SH3BP1: variants seen among roughly 807,000 people sequenced by gnomAD.
SH3BP1 encodes the protein SH3 domain binding protein 1, also known as SH3 domain-binding protein 1.
In SH3BP1, 46 loss-of-function variants were observed where a neutral mutation model predicts 69.8. The ratio of observed to expected loss-of-function variants is 0.66; its 90% CI spans 0.52 to 0.84. The LOEUF (loss-of-function observed/expected upper bound fraction) is 0.84, where lower values mean the gene tolerates loss of function less well. SH3BP1 is among the 40% of genes least tolerant of loss of function. SH3BP1 has a pLI of 0.00. For synonymous variants in SH3BP1, 403 were observed against 378.0 expected (o/e 1.07, Z -0.77); for missense variants, 868 against 930.9 (o/e 0.93, Z 0.88).
At chr22:37,646,963 G>T (rs772708745) in intron 11 of SH3BP1, 34 bp downstream of exon 11, 7 of 1,368,056 alleles carry the variant, frequency 5.1e-6, no homozygotes, top group Admixed American at 2.5e-5. Context: ...GCAGGAGGTT[G>T]GGGGGGAGGG....
At chr22:37,654,583 AAG>A (rs1486294927) in intron 17 of SH3BP1, among the ~76,000 whole-genome samples, 1 of 151,986 alleles carries the variant, frequency 6.6e-6, no homozygotes, top group African/African-American at 2.4e-5. Context: ...AAAAAAAAAA[AAG>A]AAAAAAGGCA....
chr22:37,640,535 G>T (rs1932546872), intron 1 of SH3BP1: 1 of 153,546 alleles, frequency 6.5e-6, no homozygotes, highest in Non-Finnish European at 1.5e-5. Context: ...CATTCTCTGG[G>T]TCCAGGGAGG....
In SH3BP1 at chr22:37,648,447, C is replaced by T. The variant is rs28451041; in HGVS notation, c.1316+12C>T. 1.7e-5 allele frequency: 26 copies of T among 1,524,816 alleles called. No individual in the cohort carries two copies. The highest frequency in any genetic ancestry group is 2.1e-5 in the Non-Finnish European group (23 of 1,118,326). The allele number at this position is 1,524,816 out of a possible 1,614,324, so 94.5% of individuals were successfully genotyped here. On this transcript the variant is annotated intron_variant, in intron 14 of 17. Coordinates refer to ENST00000649765, the MANE Select transcript of SH3BP1 (RefSeq NM_018957.6). ...CCTGAGAAAGAAGGGTGAGGGGCCG[C>T]GGGCTGGGGGAGGTGGCAGGAGGAA...
At chr22:37,649,016 G>A (rs1048268691) in intron 14 of SH3BP1, among the ~76,000 whole-genome samples, 21 of 151,990 alleles carry the variant, frequency 1.4e-4, no homozygotes, top group Admixed American at 9.8e-4. Context: ...GAGCTGCCGC[G>A]CCTGGCTCGA....
chr22:37,642,477 T>C, intron 3 of SH3BP1, 62 bp from the exon 4 acceptor site: 1 of 1,569,806 alleles, frequency 6.4e-7, no homozygotes, highest in Non-Finnish European at 8.7e-7. Flanking sequence ...GGGGCTGGCC[T>C]GGTGCTCAGG....
intron 9 of SH3BP1, 94 bp downstream of exon 9, chr22:37,645,054 A>T: frequency 8.5e-7 from 1 of 1,175,392 alleles, no homozygotes; most frequent in Non-Finnish European, 1.2e-6. Flanking sequence ...GGTAGCAGGA[A>T]GCTGTGGATG....
Position 37,655,379 on chromosome 22 carries a change from ACC to A in SH3BP1, c.1806_1807del (p.Gln603SerfsTer56). 9.1e-7 allele frequency: 1 copy of A among 1,095,238 alleles called. No individual in the cohort carries two copies. Among genetic ancestry groups the A allele is most frequent in the Non-Finnish European group, 1.2e-6 (1 of 847,976 alleles). The allele number at this position is 1,095,238 out of a possible 1,614,324, so 67.8% of individuals were successfully genotyped here. ...PLPPGSGSPG[T>X]PQALPRRLVG... ...GCCCCCTGGCTCTGGCAGCCCTGGGACCCCCCAAGCCCTGCCCCGACGTCTGG... is the reference window on the plus strand; with the variant it reads ...GCCCCCTGGCTCTGGCAGCCCTGGGACCCCAAGCCCTGCCCCGACGTCTGG... On this transcript the variant is annotated frameshift_variant, in exon 18 of 18. Coordinates refer to ENST00000649765, the MANE Select transcript of SH3BP1 (RefSeq NM_018957.6). LOFTEE classifies it low-confidence loss of function (END_TRUNC).
intron 17 of SH3BP1, among the ~76,000 whole-genome samples, chr22:37,654,656 C>G (rs1395469128): frequency 6.6e-6 from 1 of 152,006 alleles, no homozygotes; most frequent in African/African-American, 2.4e-5. Flanking sequence ...CCTTCTGAGC[C>G]CCTCTGGCAC....
Position 37,643,725 on chromosome 22 carries a change from C to CA in SH3BP1, c.557dup (p.Asn186LysfsTer27). 6.2e-7 allele frequency: 1 copy of CA among 1,614,024 alleles called. No individual in the cohort carries two copies. Among genetic ancestry groups the CA allele is most frequent in the Non-Finnish European group, 8.5e-7 (1 of 1,180,024 alleles). ...GTAGTCACAGCCATACGACCATGGC[C>CA]AACAAGGTGGAGACGCTGAAGGAGG... On this transcript the variant is annotated frameshift_variant, in exon 7 of 18. Coordinates refer to ENST00000649765, the MANE Select transcript of SH3BP1 (RefSeq NM_018957.6). LOFTEE classifies it high-confidence loss of function.
Position 37,655,412 on chromosome 22 carries a change from A to G in SH3BP1, c.1834A>G (p.Ser612Gly). Residue 612 changes from serine (S) to glycine (G), a missense_variant, in exon 18 of 18, where the codon AGC (serine) becomes GGC (glycine). This residue lies in a region of SH3BP1 where 474 missense variants were observed against 462.3 expected (regional missense o/e 1.03). Coordinates refer to ENST00000649765, the MANE Select transcript of SH3BP1 (RefSeq NM_018957.6). ...AGCCCTGCCCCGACGTCTGGTTGGC[A>G]GCAGCCTCCGAGCCCCCACAGTGCC... ...PQALPRRLVG[S>G]SLRAPTVPPP... 1 of 1,239,154 alleles carries G rather than the reference A, an allele frequency of 8.1e-7. No individual in the cohort carries two copies. Among genetic ancestry groups the G allele is most frequent in the Non-Finnish European group, 1.0e-6 (1 of 953,954 alleles). 76.8% of individuals were successfully genotyped at this position (1,239,154 alleles called of 1,614,324 possible).
Position 37,641,109 on chromosome 22 carries a change from C to CT in SH3BP1, c.60-17_60-16insT. Reference sequence around the variant, plus strand: ...CAGCAGAAGCACTCTCCCCCCCCCCCCCACCACTCCCCGCAGCACCCCGGA... The same window carrying CT: ...CAGCAGAAGCACTCTCCCCCCCCCCCTCCACCACTCCCCGCAGCACCCCGGA... On this transcript the variant is annotated splice_polypyrimidine_tract_variant and intron_variant, in intron 1 of 17. Transcript: ENST00000649765. The CT allele has an allele frequency of 7.2e-7, 1 of 1,390,854 alleles. No individual in the cohort carries two copies. The highest frequency in any genetic ancestry group is 9.8e-7 in the Non-Finnish European group (1 of 1,018,576). The allele number at this position is 1,390,854 out of a possible 1,614,324, so 86.2% of individuals were successfully genotyped here.
chr22:37,645,960 C>CTTTTTTTTT (rs11329854), intron 10 of SH3BP1, among the ~76,000 whole-genome samples: 1 of 126,264 alleles, frequency 7.9e-6, no homozygotes, highest in African/African-American at 3.4e-5. Context: ...CTCCCTTACA[C>CTTTTTTTTT]TTTTTTTTTT....
Position 37,648,372 on chromosome 22 carries a change from T to A in SH3BP1, c.1253T>A (p.Met418Lys). Residue 418 changes from methionine (M) to lysine (K), a missense_variant, in exon 14 of 18, where the codon ATG becomes AAG. This residue lies in a region of SH3BP1 where 474 missense variants were observed against 462.3 expected (regional missense o/e 1.03). Coordinates refer to ENST00000649765, the MANE Select transcript of SH3BP1 (RefSeq NM_018957.6). ...GCCGAGGAGCAGGAGGTGAACAAGA[T>A]GACACCCAGCAACATCGCCATAGTC... ...RLAEEQEVNK[M>K]TPSNIAIVLG... The A allele has an allele frequency of 1.3e-6, 2 of 1,573,526 alleles. No individual in the cohort carries two copies. Among genetic ancestry groups the A allele is most frequent in the Non-Finnish European group, 1.7e-6 (2 of 1,159,092 alleles).
chr22:37,655,237 C>T (rs559390183), intron 17 of SH3BP1, 35 bp from the exon 18 acceptor site: 5 of 1,516,506 alleles, frequency 3.3e-6, no homozygotes, highest in South Asian at 1.2e-5. Flanking sequence ...GCCACGTGGA[C>T]ACTCAGCCTC....
In SH3BP1 at chr22:37,645,525, G is replaced by A. The variant is rs769599189; in HGVS notation, c.924+15G>A. 2 of 1,599,888 alleles carry A rather than the reference G, an allele frequency of 1.3e-6. No homozygotes were observed. The highest frequency in any genetic ancestry group is 1.7e-6 in the Non-Finnish European group (2 of 1,169,530). ...TGAAGGAAGAGGTGGGGTCCCCTGG[G>A]GCAGGTGGGGAAGGAGCACTGGGGC... On this transcript the variant is annotated intron_variant, in intron 10 of 17. Coordinates refer to ENST00000649765, the MANE Select transcript of SH3BP1 (RefSeq NM_018957.6).
chr22:37,641,246 CA>C, intron 2 of SH3BP1, 78 bp downstream of exon 2: 1 of 1,520,152 alleles, frequency 6.6e-7, no homozygotes, highest in South Asian at 1.2e-5. Context: ...GCGGGGACGC[CA>C]GGTAGGGGCC....
chr22:37,644,970 T>TA lies in SH3BP1; in HGVS notation c.778+11dup, dbSNP rs781169818. On this transcript the variant is annotated intron_variant, in intron 9 of 17. Transcript: ENST00000649765. ...AACCACGGCCAAGCAGGTGGGGACA[T>TA]AGGCCCGGCGATACCACACCCCTGA... is the stretch of plus-strand genomic sequence containing the variant. 1.9e-6 allele frequency: 3 copies of TA among 1,612,640 alleles called. No individual in the cohort carries two copies. The highest frequency in any genetic ancestry group is 1.7e-5 in the Admixed American group (1 of 59,940).
chr22:37,646,019 T>C (rs1461442305), intron 10 of SH3BP1, among the ~76,000 whole-genome samples: 1 of 146,668 alleles, frequency 6.8e-6, no homozygotes, highest in African/African-American at 2.6e-5. Flanking sequence ...CAGGCTGGAG[T>C]GCAGTGGCGT....
chr22:37,653,906 G>C (rs1370028537), intron 17 of SH3BP1, 33 bp downstream of exon 17: 4 of 1,184,914 alleles, frequency 3.4e-6, no homozygotes, highest in Non-Finnish European at 5.0e-6. Flanking sequence ...GGAGGGGACA[G>C]AGGGTGGGCG....
Sources: allele counts gnomAD v4.1 joint callset (sites outside exome capture counted in the v4.1 genomes callset), GRCh38; gene constraint gnomAD v4.1.1; regional missense constraint gnomAD v4.1.1; transcripts MANE v1.5; gene names NCBI Gene and HGNC (gene_info 2026-07-23, HGNC 2026-07-21).